A1CF: variants seen among roughly 807,000 people sequenced by gnomAD.
A1CF encodes APOBEC-1 stimulating protein.
Under a neutral mutation model 68.9 loss-of-function variants are expected in A1CF, and 48 were observed. That is an observed-to-expected ratio of 0.70 (90% CI 0.55 to 0.89). The LOEUF is 0.89. Among genes scored for constraint, A1CF ranks in the 40% least tolerant of loss-of-function variants. The probability of loss-of-function intolerance (pLI) is 0.00; values close to 1 mark genes in which losing one functional copy is unlikely to be tolerated. For missense variants in A1CF, 653 were observed against 718.9 expected, an observed-to-expected ratio of 0.91 and a Z score of 1.05; for synonymous variants, 272 against 260.4, an observed-to-expected ratio of 1.04 and a Z score of -0.43.
chr10:50,844,184 C>A, intron 3 of A1CF, 62 bp from the exon 4 acceptor site: 1 of 1,572,302 alleles, frequency 6.4e-7, no homozygotes, highest in Non-Finnish European at 8.6e-7. Flanking sequence ...ATTCAATTTC[C>A]CTGAGTATTT....
intron 4 of A1CF, among the ~76,000 whole-genome samples, chr10:50,842,604 C>T (rs1045782942): frequency 6.6e-6 from 1 of 152,178 alleles, no homozygotes; most frequent in African/African-American, 2.4e-5. Flanking sequence ...GAGCAAGACA[C>T]TGTCTCAAAA....
intron 3 of A1CF, among the ~76,000 whole-genome samples, chr10:50,857,173 T>G (rs1013087010): frequency 3.3e-5 from 5 of 152,142 alleles, no homozygotes; most frequent in African/African-American, 1.2e-4. Flanking sequence ...GGAATTGGAC[T>G]TTTAAAATTG....
chr10:50,819,835 T>C (rs114140297), intron 8 of A1CF, among the ~76,000 whole-genome samples: 2,459 of 152,320 alleles, frequency 0.016, 69 homozygotes, highest in African/African-American at 0.055. Flanking sequence ...TTATTCTTTA[T>C]AGCCCACTTC....
intron 3 of A1CF, among the ~76,000 whole-genome samples, chr10:50,857,302 G>T (rs2132516703): frequency 6.6e-6 from 1 of 152,216 alleles, no homozygotes; most frequent in South Asian, 2.1e-4. Flanking sequence ...ATTTATTTGT[G>T]TTGGGAACAT....
At chr10:50,815,433 A>G (rs781092240) in intron 9 of A1CF, among the ~76,000 whole-genome samples, 7 of 152,192 alleles carry the variant, frequency 4.6e-5, no homozygotes, top group Non-Finnish European at 8.8e-5. Context: ...AAAGAAATAT[A>G]GTAATGTCCT....
Position 50,843,991 on chromosome 10 carries a change from T to C in A1CF, c.231A>G (p.Glu77=), listed in dbSNP as rs996075420. 1 of 1,613,022 alleles carries C rather than the reference T, an allele frequency of 6.2e-7. No homozygotes were observed. The highest frequency in any genetic ancestry group is 8.5e-7 in the Non-Finnish European group (1 of 1,179,586). ...LFEDELIPLC[E]KIGKIYEMRM... is the part of the protein sequence containing the mutation. ...TAAATGTTAAATTTGGACTCACTTT[T>C]TCACATAATGGTATAAGCTCATCCT... is the stretch of plus-strand genomic sequence containing the variant. The change falls in exon 4 of 13, where the codon GAA becomes GAG. Residue 77 remains glutamate, a synonymous_variant. Coordinates refer to ENST00000373997, the MANE Select transcript of A1CF (RefSeq NM_014576.4).
In A1CF at chr10:50,877,699, G is replaced by C. The variant is rs528376626; in HGVS notation, c.-94+7882C>G. 2.0e-5 allele frequency among the ~76,000 whole-genome samples: 3 copies of C among 152,334 alleles called. No individual in the cohort carries two copies. The East Asian group carries it at 5.8e-4, about 29-fold the overall frequency. On this transcript the variant is annotated intron_variant, in intron 1 of 12. Coordinates refer to ENST00000373997, the MANE Select transcript of A1CF (RefSeq NM_014576.4). Reference sequence around the variant, plus strand: ...GTGATGAAAATAATAAAGTCTTAGAGATTTGCATTCTGGTGTGAGGATCTG... The same window carrying C: ...GTGATGAAAATAATAAAGTCTTAGACATTTGCATTCTGGTGTGAGGATCTG...
chr10:50,816,310 G>A lies in A1CF; in HGVS notation c.868-31C>T, dbSNP rs746635734. ...GTAGAGAGCAAAGAAATATCAACGC[G>A]AGATGATATGAAGATAACCAAGTGT... On this transcript the variant is annotated intron_variant, in intron 8 of 12. Coordinates refer to ENST00000373997, the MANE Select transcript of A1CF (RefSeq NM_014576.4). 1.2e-5 allele frequency: 20 copies of A among 1,604,216 alleles called. No individual in the cohort carries two copies. The East Asian group carries it at 2.2e-4, about 18-fold the overall frequency.
chr10:50,827,623 A>G (rs1409965646), intron 7 of A1CF, among the ~76,000 whole-genome samples: 1 of 152,126 alleles, frequency 6.6e-6, no homozygotes, highest in East Asian at 1.9e-4. Flanking sequence ...GAATCTCTGG[A>G]ACACATTTAA....
intron 8 of A1CF, among the ~76,000 whole-genome samples, chr10:50,820,133 C>T: frequency 6.6e-6 from 1 of 152,166 alleles, no homozygotes; most frequent in Non-Finnish European, 1.5e-5. Context: ...CTAAGCTTTC[C>T]AAGTGGAAGA....
At chr10:50,833,831 G>C (rs1839362673) in intron 6 of A1CF, among the ~76,000 whole-genome samples, 1 of 152,134 alleles carries the variant, frequency 6.6e-6, no homozygotes, top group Admixed American at 6.6e-5. Context: ...TTGTTAGTTT[G>C]CTGATGAGTT....
At chr10:50,815,811 C>T (rs973774327) in intron 9 of A1CF, among the ~76,000 whole-genome samples, 195 bp downstream of exon 9, 12 of 152,094 alleles carry the variant, frequency 7.9e-5, no homozygotes, top group South Asian at 2.1e-4. Flanking sequence ...GTTCTGATGA[C>T]GTTTTTTCAA....
chr10:50,872,036 A>C lies in A1CF; in HGVS notation c.-93-7956T>G, dbSNP rs566965416. 3.3e-5 allele frequency among the ~76,000 whole-genome samples: 5 copies of C among 152,250 alleles called. No homozygotes were observed. The South Asian group carries it at 1.0e-3, about 32-fold the overall frequency. ...GATAGAGAAATATTATCTGTAATAT[A>C]CAGATTACTTTTAAATAATAGACAC... On this transcript the variant is annotated intron_variant, in intron 1 of 12. Transcript: ENST00000373997.
At chr10:50,860,120 A>G in intron 2 of A1CF, 135 bp from the exon 3 acceptor site, 1 of 577,436 alleles carries the variant, frequency 1.7e-6, no homozygotes, top group East Asian at 2.8e-5. Flanking sequence ...AGTTACATAC[A>G]AACAAGGCTG....
rs1387074140 is a variant in A1CF at position 50,801,911 on chromosome 10, C to T, written c.*4818G>A. On this transcript the variant is annotated 3_prime_UTR_variant, in exon 13 of 13. Transcript: ENST00000373997. ...CTACAAAACCAAGGAGAACTGGGGG[C>T]ACATAAAGTTTGCAATCTCCCACAA... 1 of 152,118 alleles carries T rather than the reference C, an allele frequency of 6.6e-6. No homozygotes were observed. The highest frequency in any genetic ancestry group is 1.5e-5 in the Non-Finnish European group (1 of 68,032). 9.4% of individuals were successfully genotyped at this position (152,118 alleles called of 1,614,324 possible). A position where few individuals can be genotyped will look rare whatever the true frequency, so the allele number is the denominator to read the frequency against.
chr10:50,882,359 C>T (rs989497164), intron 1 of A1CF, among the ~76,000 whole-genome samples: 7 of 152,118 alleles, frequency 4.6e-5, no homozygotes, highest in Non-Finnish European at 1.0e-4. Context: ...TCACTTGAAT[C>T]CAGGAGGTGG....
rs762007474 is a variant in A1CF at position 50,816,106 on chromosome 10, G to A, written c.1041C>T (p.Phe347=). The change falls in exon 9 of 13, where the codon TTC becomes TTT. Residue 347 remains phenylalanine (F), a synonymous_variant. Transcript: ENST00000373997. ...TTGCTGCATAGGTCTGGGGGGCATA[G>A]AAGACAGGAGCTCCAAGGTAGGTTG... is the stretch of plus-strand genomic sequence containing the variant. ...PTTTYLGAPV[F]YAPQTYAAIP... The A allele has an allele frequency of 6.2e-6, 10 of 1,613,864 alleles. No homozygotes were observed. Among genetic ancestry groups the A allele is most frequent in the Middle Eastern group, 1.7e-4 (1 of 6,060 alleles).
chr10:50,836,238 T>A lies in A1CF; in HGVS notation c.440A>T (p.Lys147Ile). ...RLFVGGIPKT[K>I]KREEILSEMK... The stretch of plus-strand genomic sequence containing the variant: ...CTCCGATAAGATTTCTTCTCTCTTT[T>A]TGGTTTTTGGGATGCCCCCAACAAA... The change falls in exon 6 of 13, where the codon AAA becomes ATA. Residue 147 changes from lysine (K) to isoleucine (I), a missense_variant. By Grantham distance (102) the Lys-to-Ile change is moderately radical. Coordinates refer to ENST00000373997, the MANE Select transcript of A1CF (RefSeq NM_014576.4). The A allele has an allele frequency of 1.9e-6, 3 of 1,614,034 alleles. No homozygotes were observed. The highest frequency in any genetic ancestry group is 2.5e-6 in the Non-Finnish European group (3 of 1,179,912).
rs1236851814 is a variant in A1CF at position 50,802,902 on chromosome 10, A to T, written c.*3827T>A. 1 of 152,242 alleles carries T rather than the reference A, an allele frequency of 6.6e-6. No homozygotes were observed. Among genetic ancestry groups the T allele is most frequent in the Non-Finnish European group, 1.5e-5 (1 of 68,040 alleles). The allele number at this position is 152,242 out of a possible 1,614,324, so 9.4% of individuals were successfully genotyped here. On this transcript the variant is annotated 3_prime_UTR_variant, in exon 13 of 13. Coordinates refer to ENST00000373997, the MANE Select transcript of A1CF (RefSeq NM_014576.4). The stretch of plus-strand genomic sequence containing the variant: ...CAAAAATTAATAAAAATGGAACATT[A>T]TATTGATGCAATATTTTGCTAATCT...
Sources: gnomAD v4.1 joint callset for allele counts (sites outside exome capture counted in the v4.1 genomes callset) on GRCh38, gnomAD v4.1.1 for gene constraint, MANE v1.5 for transcripts, NCBI Gene and HGNC (gene_info 2026-07-23, HGNC 2026-07-21) for gene names.